Variants in ADCY2 observed in about 807,000 individuals in gnomAD.
ADCY2 encodes adenylate cyclase type 2.
ADCY2 carries 31 observed loss-of-function variants against 125.2 expected under a neutral mutation model. That is an observed-to-expected ratio of 0.25 (90% CI 0.19 to 0.33). ADCY2 has a LOEUF of 0.33. Ranked by LOEUF, ADCY2 falls within the 10% of genes least tolerant of loss-of-function variation. ADCY2 has a pLI of 1.00. For synonymous variants in ADCY2, 512 were observed against 548.4 expected, an observed-to-expected ratio of 0.93 and a Z score of 0.93; for missense variants, 904 against 1,418.2, an observed-to-expected ratio of 0.64 and a Z score of 5.82.
intron 6 of ADCY2, among the ~76,000 whole-genome samples, chr5:7,697,090 G>A (rs1240516705): frequency 1.3e-5 from 2 of 152,022 alleles, no homozygotes; most frequent in Admixed American, 6.6e-5. Flanking sequence ...GCCTGTCTCG[G>A]TGAACAAATT....
At chr5:7,676,707 G>A (rs1424650118) in intron 4 of ADCY2, among the ~76,000 whole-genome samples, 1 of 152,204 alleles carries the variant, frequency 6.6e-6, no homozygotes, top group Middle Eastern at 3.2e-3. Context: ...TGTGAGCTGA[G>A]TGATAATAAT....
At chr5:7,734,858 G>A (rs1040403367) in intron 14 of ADCY2, among the ~76,000 whole-genome samples, 4 of 152,216 alleles carry the variant, frequency 2.6e-5, no homozygotes, top group Non-Finnish European at 4.4e-5. Flanking sequence ...TGACATCAGG[G>A]TGCCAGCATG....
chr5:7,486,936 A>C (rs1455727645), intron 2 of ADCY2, among the ~76,000 whole-genome samples: 1 of 152,182 alleles, frequency 6.6e-6, no homozygotes, highest in Admixed American at 6.5e-5. Context: ...CTGGAAGGGA[A>C]TGGCCTCAGT....
chr5:7,574,463 T>C (rs1421612295), intron 3 of ADCY2, among the ~76,000 whole-genome samples: 1 of 152,034 alleles, frequency 6.6e-6, no homozygotes, highest in Non-Finnish European at 1.5e-5. Context: ...AACAAGGTAA[T>C]GGGGCAAGAG....
At chr5:7,549,429 C>T (rs77149768) in intron 3 of ADCY2, among the ~76,000 whole-genome samples, 2,772 of 152,306 alleles carry the variant, frequency 0.018, 83 homozygotes, top group African/African-American at 0.063. Context: ...TTTAGCCAAA[C>T]TTTATGTCAG....
intron 7 of ADCY2, among the ~76,000 whole-genome samples, chr5:7,699,081 A>ATTTTCTTTTTTTT (rs1740991015): frequency 2.6e-5 from 1 of 37,964 alleles, no homozygotes; most frequent in Non-Finnish European, 4.7e-5. Flanking sequence ...AACAGTAAGC[A>ATTTTCTTTTTTTT]TTTTTTTTTT....
chr5:7,655,350 T>TG (rs770160535), intron 4 of ADCY2, among the ~76,000 whole-genome samples: 2 of 152,116 alleles, frequency 1.3e-5, no homozygotes, highest in African/African-American at 4.8e-5. Context: ...AACACAATTA[T>TG]GGAGATTGGG....
At chr5:7,470,364 T>C (rs1198699841) in intron 2 of ADCY2, among the ~76,000 whole-genome samples, 27 of 151,624 alleles carry the variant, frequency 1.8e-4, no homozygotes, top group Admixed American at 1.5e-3. Context: ...TCTCAGCTTC[T>C]TTCTTTTTAC....
At chr5:7,482,912 G>C (rs992230183) in intron 2 of ADCY2, among the ~76,000 whole-genome samples, 2 of 151,700 alleles carry the variant, frequency 1.3e-5, no homozygotes, top group African/African-American at 4.8e-5. Context: ...CATAAGCCGG[G>C]CACAGAAAGA....
chr5:7,705,373 G>C (rs980497316), intron 7 of ADCY2, among the ~76,000 whole-genome samples: 65 of 152,346 alleles, frequency 4.3e-4, no homozygotes, highest in Non-Finnish European at 5.9e-5. Context: ...TGCCCTCAGG[G>C]CAGTTACAGG....
intron 2 of ADCY2, among the ~76,000 whole-genome samples, chr5:7,466,584 G>A (rs969767680): frequency 6.6e-5 from 10 of 152,126 alleles, no homozygotes; most frequent in African/African-American, 1.2e-4. Flanking sequence ...ATCCTACCTC[G>A]CAATGAGCAT....
intron 3 of ADCY2, among the ~76,000 whole-genome samples, chr5:7,621,186 G>T (rs1447644441): frequency 6.6e-6 from 1 of 152,148 alleles, no homozygotes; most frequent in Non-Finnish European, 1.5e-5. Flanking sequence ...CCTCAGAGGG[G>T]TCACACTTGT....
At chr5:7,718,464 A>C (rs1348647064) in intron 12 of ADCY2, among the ~76,000 whole-genome samples, 1 of 152,046 alleles carries the variant, frequency 6.6e-6, no homozygotes, top group Non-Finnish European at 1.5e-5. Context: ...TGTTCCTTGT[A>C]GGTATTTATT....
intron 14 of ADCY2, among the ~76,000 whole-genome samples, chr5:7,741,567 CATCACCATCACCATCCCT>C (rs1201012496): frequency 1.4e-5 from 2 of 146,450 alleles, no homozygotes; most frequent in Non-Finnish European, 3.1e-5. Context: ...TCCCTATCAC[CATCACCATCACCATCCCT>C]ATCACCATCA....
intron 3 of ADCY2, among the ~76,000 whole-genome samples, chr5:7,622,468 A>C (rs1268176913): frequency 6.6e-6 from 1 of 152,240 alleles, no homozygotes; most frequent in Non-Finnish European, 1.5e-5. Flanking sequence ...ATATTGCTTA[A>C]AAGTTTTCCT....
chr5:7,565,426 A>G (rs1007265195), intron 3 of ADCY2, among the ~76,000 whole-genome samples: 1 of 152,210 alleles, frequency 6.6e-6, no homozygotes, highest in Non-Finnish European at 1.5e-5. Context: ...ACCCTTGGTT[A>G]TAATAATTTT....
intron 3 of ADCY2, among the ~76,000 whole-genome samples, chr5:7,557,917 G>A (rs1447005224): frequency 6.6e-6 from 1 of 152,180 alleles, no homozygotes; most frequent in African/African-American, 2.4e-5. Context: ...CGAATGGTAT[G>A]TCTGTATTTA....
At chr5:7,755,428 A>G (rs2126454809) in intron 15 of ADCY2, among the ~76,000 whole-genome samples, 1 of 146,528 alleles carries the variant, frequency 6.8e-6, no homozygotes, top group East Asian at 3.1e-4. Flanking sequence ...CATGGTGGAA[A>G]GGAGTAGAGA....
At chr5:7,769,955 T>G (rs1743507920) in intron 17 of ADCY2, among the ~76,000 whole-genome samples, 1 of 152,198 alleles carries the variant, frequency 6.6e-6, no homozygotes, top group Non-Finnish European at 1.5e-5. Flanking sequence ...AATCGCTGAC[T>G]ATCTGGAGCC....
Sources: allele counts gnomAD v4.1 joint callset (sites outside exome capture counted in the v4.1 genomes callset), GRCh38; gene constraint gnomAD v4.1.1; transcripts MANE v1.5; gene names NCBI Gene and HGNC (gene_info 2026-07-23, HGNC 2026-07-21).